Variants in CNTNAP2 observed in about 807,000 individuals in gnomAD.
CNTNAP2 encodes the protein contactin-associated protein-like 2.
CNTNAP2 carries 98 observed loss-of-function variants against 155.2 expected under a neutral mutation model. That is an observed-to-expected ratio of 0.63 (90% CI 0.54 to 0.75). The LOEUF is 0.75. Among genes scored for constraint, CNTNAP2 ranks in the 30% least tolerant of loss-of-function variants. CNTNAP2 has a pLI of 0.00. For missense variants in CNTNAP2, 1,727 were observed against 1,688.1 expected, an observed-to-expected ratio of 1.02 and a Z score of -0.40; for synonymous variants, 651 against 631.2, an observed-to-expected ratio of 1.03 and a Z score of -0.47.
rs369329223 is a variant in CNTNAP2 at position 146,384,709 on chromosome 7, T to TA, written c.97+267745dup. 8.2e-3 allele frequency among the ~76,000 whole-genome samples: 1,239 copies of TA among 151,448 alleles called. 14 individuals are homozygous for TA. Among genetic ancestry groups the TA allele is most frequent in the African/African-American group, 0.025 (1,022 of 41,336 alleles). The stretch of plus-strand genomic sequence containing the variant: ...ACAAGAGACAGCCAAGACTAATGGT[T>TA]AAAAAAAAATGTACATACACACATA... On this transcript the variant is annotated intron_variant, in intron 1 of 23. Coordinates refer to ENST00000361727, the MANE Select transcript of CNTNAP2 (RefSeq NM_014141.6).
chr7:148,006,316 CTTTTT>C (rs68011639), intron 15 of CNTNAP2, among the ~76,000 whole-genome samples: 1 of 118,978 alleles, frequency 8.4e-6, no homozygotes, highest in African/African-American at 3.3e-5. Flanking sequence ...ATAGGAAGTT[CTTTTT>C]TTTTTTTTTT....
intron 1 of CNTNAP2, among the ~76,000 whole-genome samples, chr7:146,325,699 C>T (rs991391954): frequency 3.3e-5 from 5 of 151,908 alleles, no homozygotes; most frequent in African/African-American, 1.2e-4. Flanking sequence ...GTATTTAATG[C>T]ATCATTTCCT....
intron 1 of CNTNAP2, among the ~76,000 whole-genome samples, chr7:146,260,011 C>T (rs553256690): frequency 1.3e-5 from 2 of 152,286 alleles, no homozygotes; most frequent in South Asian, 4.1e-4. Flanking sequence ...TGTGTAACCT[C>T]GGGACTTGGT....
intron 1 of CNTNAP2, among the ~76,000 whole-genome samples, chr7:146,698,785 T>C (rs1294741811): frequency 6.6e-6 from 1 of 152,144 alleles, no homozygotes; most frequent in Non-Finnish European, 1.5e-5. Flanking sequence ...GTAACACTCA[T>C]ACATGTGTAG....
chr7:147,287,840 C>T (rs892494852), intron 8 of CNTNAP2, among the ~76,000 whole-genome samples: 1 of 152,086 alleles, frequency 6.6e-6, no homozygotes, highest in Non-Finnish European at 1.5e-5. Flanking sequence ...AATGACCCAC[C>T]AGTTGTGCTT....
chr7:148,208,910 G>C (rs1257004001), intron 18 of CNTNAP2, among the ~76,000 whole-genome samples: 1 of 152,116 alleles, frequency 6.6e-6, no homozygotes, highest in Non-Finnish European at 1.5e-5. Flanking sequence ...TCCTTTGCAA[G>C]CTCATTTCCC....
intron 1 of CNTNAP2, among the ~76,000 whole-genome samples, chr7:146,163,473 C>CTA (rs1447334781): frequency 5.1e-4 from 75 of 146,022 alleles, no homozygotes; most frequent in Middle Eastern, 3.6e-3. Context: ...TTATATATAT[C>CTA]TATATATATC....
chr7:146,363,293 G>A (rs997198079), intron 1 of CNTNAP2, among the ~76,000 whole-genome samples: 6 of 152,144 alleles, frequency 3.9e-5, no homozygotes, highest in Non-Finnish European at 5.9e-5. Context: ...TACCTGTGTG[G>A]TAGCTAGTGT....
At chr7:147,071,827 T>A (rs576382261) in intron 4 of CNTNAP2, among the ~76,000 whole-genome samples, 2 of 152,306 alleles carry the variant, frequency 1.3e-5, no homozygotes, top group South Asian at 4.1e-4. Flanking sequence ...TTCTTGAGAG[T>A]TCTGGCCATC....
At chr7:147,346,243 T>C (rs868323694) in intron 9 of CNTNAP2, among the ~76,000 whole-genome samples, 1 of 150,158 alleles carries the variant, frequency 6.7e-6, no homozygotes, top group African/African-American at 2.4e-5. Context: ...CAAGCTCCGC[T>C]TCCCGGGTTC....
chr7:146,984,644 A>C (rs929270055), intron 3 of CNTNAP2, among the ~76,000 whole-genome samples: 4 of 152,172 alleles, frequency 2.6e-5, no homozygotes, highest in Non-Finnish European at 4.4e-5. Flanking sequence ...CTCCACGGCA[A>C]GGATTTCGCC....
intron 2 of CNTNAP2, among the ~76,000 whole-genome samples, chr7:146,798,205 G>A (rs974586933): frequency 3.9e-5 from 6 of 151,990 alleles, no homozygotes; most frequent in African/African-American, 1.4e-4. Flanking sequence ...CGGGGATGGG[G>A]AGGCAGAGGC....
chr7:146,135,554 C>A (rs1421467434), intron 1 of CNTNAP2, among the ~76,000 whole-genome samples: 1 of 151,978 alleles, frequency 6.6e-6, no homozygotes, highest in Admixed American at 6.6e-5. Context: ...AATAGAGTTT[C>A]CAGGTTATTT....
intron 1 of CNTNAP2, among the ~76,000 whole-genome samples, chr7:146,751,424 C>G (rs1326590742): frequency 6.6e-6 from 1 of 152,110 alleles, no homozygotes; most frequent in African/African-American, 2.4e-5. Flanking sequence ...GGGAACTAAA[C>G]ACACATACAC....
intron 8 of CNTNAP2, among the ~76,000 whole-genome samples, chr7:147,287,989 T>G (rs1805220581): frequency 6.6e-6 from 1 of 152,108 alleles, no homozygotes; most frequent in African/African-American, 2.4e-5. Flanking sequence ...ATCAGGCCTT[T>G]ACCTATATAT....
intron 1 of CNTNAP2, among the ~76,000 whole-genome samples, chr7:146,618,286 A>G (rs1799260766): frequency 6.6e-6 from 1 of 152,194 alleles, no homozygotes; most frequent in Admixed American, 6.5e-5. Context: ...GTAAAATTAC[A>G]AAATTATTGT....
intron 8 of CNTNAP2, among the ~76,000 whole-genome samples, chr7:147,292,858 C>T: frequency 6.6e-6 from 1 of 152,224 alleles, no homozygotes; most frequent in East Asian, 1.9e-4. Context: ...CAACCTCTGC[C>T]TCCCTAGTTC....
At chr7:147,996,813 A>C (rs963420070) in intron 15 of CNTNAP2, among the ~76,000 whole-genome samples, 5 of 152,238 alleles carry the variant, frequency 3.3e-5, no homozygotes, top group African/African-American at 1.2e-4. Flanking sequence ...TGAAGTGAAC[A>C]AAAGGCTCAA....
chr7:146,323,092 A>G (rs2129092995), intron 1 of CNTNAP2, among the ~76,000 whole-genome samples: 1 of 152,170 alleles, frequency 6.6e-6, no homozygotes, highest in East Asian at 1.9e-4. Context: ...TGTGACCTAA[A>G]GTTTTTGGAA....
Sources: allele counts gnomAD v4.1 joint callset (sites outside exome capture counted in the v4.1 genomes callset), GRCh38; gene constraint gnomAD v4.1.1; transcripts MANE v1.5; gene names NCBI Gene and HGNC (gene_info 2026-07-23, HGNC 2026-07-21).